The following LRP1B variants were observed in gnomAD, a reference collection of about 807,000 sequenced individuals.
LRP1B encodes the protein low-density lipoprotein receptor-related protein 1B.
In LRP1B, 217 loss-of-function variants were observed where a neutral mutation model predicts 556.6. The ratio of observed to expected loss-of-function variants is 0.39; its 90% CI spans 0.35 to 0.44. The LOEUF (loss-of-function observed/expected upper bound fraction) is 0.44, where lower values mean the gene tolerates loss of function less well. LRP1B is among the 20% of genes least tolerant of loss of function. LRP1B has a pLI of 1.00. For synonymous variants in LRP1B, 2,047 were observed against 1,865.8 expected, an observed-to-expected ratio of 1.10 and a Z score of -2.50; for missense variants, 5,053 against 5,620.8, an observed-to-expected ratio of 0.90 and a Z score of 3.23.
intron 43 of LRP1B, among the ~76,000 whole-genome samples, chr2:140,578,816 C>T (rs1681641369): frequency 6.6e-6 from 1 of 152,010 alleles, no homozygotes; most frequent in Admixed American, 6.6e-5. Context: ...TTATTACTAC[C>T]TAACTAGCAT....
intron 3 of LRP1B, among the ~76,000 whole-genome samples, chr2:141,354,475 T>A (rs1011865393): frequency 2.0e-5 from 3 of 152,050 alleles, no homozygotes; most frequent in Admixed American, 1.3e-4. Flanking sequence ...AAAAGAATTG[T>A]TTAGGGACTT....
chr2:141,500,764 G>A (rs186164228), intron 2 of LRP1B, among the ~76,000 whole-genome samples: 2 of 152,182 alleles, frequency 1.3e-5, no homozygotes, highest in Admixed American at 1.3e-4. Context: ...TATATAACAA[G>A]GACATAGTCT....
At chr2:140,880,517 C>T (rs997359183) in intron 25 of LRP1B, among the ~76,000 whole-genome samples, 1 of 151,936 alleles carries the variant, frequency 6.6e-6, no homozygotes, top group Admixed American at 6.6e-5. Context: ...GGCATGATGA[C>T]AGATATGTTT....
chr2:140,599,462 A>G (rs1228532371), intron 42 of LRP1B, among the ~76,000 whole-genome samples: 1 of 152,060 alleles, frequency 6.6e-6, no homozygotes, highest in Non-Finnish European at 1.5e-5. Flanking sequence ...TCTGTTCTCT[A>G]TGGATTCCCA....
At chr2:140,629,667 A>G (rs1295961085) in intron 41 of LRP1B, among the ~76,000 whole-genome samples, 1 of 152,196 alleles carries the variant, frequency 6.6e-6, no homozygotes, top group African/African-American at 2.4e-5. Flanking sequence ...ATGACATTGT[A>G]AGTTTACAAA....
At chr2:141,519,138 C>T (rs939710408) in intron 2 of LRP1B, among the ~76,000 whole-genome samples, 1 of 151,748 alleles carries the variant, frequency 6.6e-6, no homozygotes, top group South Asian at 2.1e-4. Context: ...AAAGAGGAAA[C>T]GGTGCTGTCA....
At chr2:141,784,001 G>A (rs1371281262) in intron 2 of LRP1B, among the ~76,000 whole-genome samples, 1 of 151,836 alleles carries the variant, frequency 6.6e-6, no homozygotes, top group Non-Finnish European at 1.5e-5. Context: ...CTAATATAGG[G>A]TCAACACAAT....
intron 41 of LRP1B, among the ~76,000 whole-genome samples, chr2:140,609,242 T>C (rs142569495): frequency 1.6e-3 from 250 of 152,208 alleles, no homozygotes; most frequent in African/African-American, 5.8e-3. Flanking sequence ...AATTAGAAAA[T>C]GACTTGGGAT....
chr2:140,445,962 G>A (rs1221505589), intron 63 of LRP1B, among the ~76,000 whole-genome samples: 1 of 151,844 alleles, frequency 6.6e-6, no homozygotes, highest in Non-Finnish European at 1.5e-5. Flanking sequence ...ACTTTTTTGA[G>A]AAATAAATTA....
At chr2:141,185,051 T>C (rs1287198827) in intron 7 of LRP1B, among the ~76,000 whole-genome samples, 1 of 152,080 alleles carries the variant, frequency 6.6e-6, no homozygotes, top group East Asian at 1.9e-4. Flanking sequence ...GTATCACAAG[T>C]GTTGAAAATA....
chr2:140,529,588 C>T (rs1218217434), intron 47 of LRP1B, among the ~76,000 whole-genome samples: 1 of 151,946 alleles, frequency 6.6e-6, no homozygotes, highest in African/African-American at 2.4e-5. Context: ...TTATCCTTTT[C>T]CTTTAGCTTG....
At chr2:141,270,538 T>C (rs1156828229) in intron 3 of LRP1B, among the ~76,000 whole-genome samples, 4 of 152,050 alleles carry the variant, frequency 2.6e-5, no homozygotes, top group African/African-American at 9.7e-5. Context: ...ACCACCCAAA[T>C]GTCTACTGAC....
chr2:141,726,472 A>G (rs1229466807), intron 2 of LRP1B, among the ~76,000 whole-genome samples: 1 of 152,012 alleles, frequency 6.6e-6, no homozygotes, highest in Non-Finnish European at 1.5e-5. Flanking sequence ...CAGTTGGTTA[A>G]TTTGGAAATA....
At chr2:142,093,807 G>T (rs1410857377) in intron 1 of LRP1B, among the ~76,000 whole-genome samples, 1 of 152,080 alleles carries the variant, frequency 6.6e-6, no homozygotes, top group African/African-American at 2.4e-5. Flanking sequence ...TCTACTTAGA[G>T]TGTGGGAAGA....
chr2:141,420,347 A>G (rs1257505310), intron 3 of LRP1B, among the ~76,000 whole-genome samples: 1 of 152,222 alleles, frequency 6.6e-6, no homozygotes, highest in East Asian at 1.9e-4. Context: ...CACGTATCCC[A>G]GTCTTTATGA....
chr2:141,996,713 T>TTC (rs1553500256), intron 1 of LRP1B, among the ~76,000 whole-genome samples: 1 of 145,644 alleles, frequency 6.9e-6, no homozygotes, highest in African/African-American at 2.6e-5. Flanking sequence ...ATTTTTTCTT[T>TTC]CCCCCCCCCT....
intron 25 of LRP1B, among the ~76,000 whole-genome samples, chr2:140,872,063 T>TTC (rs1174817460): frequency 6.8e-6 from 1 of 146,094 alleles, no homozygotes; most frequent in Non-Finnish European, 1.5e-5. Context: ...TTTTTTTTTT[T>TTC]TCTCTCCTAG....
intron 2 of LRP1B, among the ~76,000 whole-genome samples, chr2:141,559,895 G>T (rs1300328061): frequency 6.6e-6 from 1 of 151,292 alleles, no homozygotes; most frequent in African/African-American, 2.4e-5. Context: ...TGTAAAGTTC[G>T]AGGTAGAAAC....
At chr2:141,488,082 C>A (rs1683184675) in intron 2 of LRP1B, among the ~76,000 whole-genome samples, 2 of 152,122 alleles carry the variant, frequency 1.3e-5, no homozygotes, top group South Asian at 2.1e-4. Context: ...TTGTCTATAT[C>A]ACACTTTTTT....
Sources: allele counts gnomAD v4.1 joint callset (sites outside exome capture counted in the v4.1 genomes callset), GRCh38; gene constraint gnomAD v4.1.1; transcripts MANE v1.5; gene names NCBI Gene and HGNC (gene_info 2026-07-23, HGNC 2026-07-21).